The following XKR9 variants were observed in gnomAD, a reference collection of about 807,000 sequenced individuals.
The protein encoded by XKR9 is XK related 9, also known as XK-related protein 9.
In XKR9, 32 loss-of-function variants were observed where a neutral mutation model predicts 32.0. The observed-to-expected ratio is 1.00, with a 90% confidence interval of 0.76 to 1.34. XKR9 has a LOEUF of 1.34. Among genes scored for constraint, XKR9 ranks in the 40% most tolerant of loss-of-function variants. XKR9 has a pLI of 0.00. For synonymous variants in XKR9, 168 were observed against 143.4 expected, an observed-to-expected ratio of 1.17 and a Z score of -1.22; for missense variants, 546 against 429.7, an observed-to-expected ratio of 1.27 and a Z score of -2.39.
At chr8:70,744,019 A>T (rs1807023669) in intron 2 of XKR9, among the ~76,000 whole-genome samples, 1 of 151,938 alleles carries the variant, frequency 6.6e-6, no homozygotes, top group Admixed American at 6.6e-5. Flanking sequence ...AATCTATAAC[A>T]TTTTCAGTAA....
At chr8:70,814,905 A>G in the XKR9 span, among the ~76,000 whole-genome samples, 2 of 152,238 alleles carry the variant, frequency 1.3e-5, no homozygotes, top group South Asian at 2.1e-4. Context: ...GTTTCTGTAT[A>G]TAAAAGCAGT....
At chr8:70,812,279 A>G in the XKR9 span, among the ~76,000 whole-genome samples, 4 of 152,338 alleles carry the variant, frequency 2.6e-5, no homozygotes, top group South Asian at 2.1e-4. Flanking sequence ...TTAGGTATTG[A>G]TGGGACGTAT....
chr8:70,870,797 C>T, the XKR9 span, among the ~76,000 whole-genome samples: 1 of 152,152 alleles, frequency 6.6e-6, no homozygotes, highest in African/African-American at 2.4e-5. Flanking sequence ...AAATCTTTAG[C>T]TCATATTCAT....
intron 3 of XKR9, among the ~76,000 whole-genome samples, chr8:70,699,878 G>A (rs1034695051): frequency 1.8e-4 from 28 of 152,114 alleles, no homozygotes; most frequent in African/African-American, 2.9e-4. Flanking sequence ...GGCTTTGTTC[G>A]TTTCTTTTTA....
intron 2 of XKR9, among the ~76,000 whole-genome samples, chr8:70,777,884 G>A (rs1807554917): frequency 6.6e-6 from 1 of 151,916 alleles, no homozygotes; most frequent in Non-Finnish European, 1.5e-5. Flanking sequence ...TGGCAAACAT[G>A]GTCTTCCATT....
the XKR9 span, among the ~76,000 whole-genome samples, chr8:70,927,986 C>A: frequency 6.6e-6 from 1 of 152,224 alleles, no homozygotes; most frequent in East Asian, 1.9e-4. Context: ...TAGGTTTGAA[C>A]CTTTTATCTA....
chr8:70,896,566 GT>G, the XKR9 span, among the ~76,000 whole-genome samples: 3 of 150,698 alleles, frequency 2.0e-5, no homozygotes, highest in Non-Finnish European at 4.4e-5. Context: ...TTTTTTCTTG[GT>G]CAGTCTGTCT....
At chr8:70,951,865 A>G in the XKR9 span, among the ~76,000 whole-genome samples, 2 of 129,864 alleles carry the variant, frequency 1.5e-5, no homozygotes, top group Non-Finnish European at 3.2e-5. Context: ...CCATAGCATC[A>G]TTGGGGGGGG....
At chr8:71,010,511 C>T in the XKR9 span, among the ~76,000 whole-genome samples, 2 of 152,150 alleles carry the variant, frequency 1.3e-5, no homozygotes, top group African/African-American at 4.8e-5. Flanking sequence ...ATTACAGGGT[C>T]AGGGAAGCTC....
At chr8:70,684,177 T>C (rs1174054006) in intron 3 of XKR9, among the ~76,000 whole-genome samples, 4 of 152,188 alleles carry the variant, frequency 2.6e-5, no homozygotes, top group Non-Finnish European at 5.9e-5. Context: ...TCCTCTTGAT[T>C]CTGTGGATTA....
the XKR9 span, among the ~76,000 whole-genome samples, chr8:70,975,549 A>G: frequency 6.6e-6 from 1 of 152,026 alleles, no homozygotes; most frequent in Non-Finnish European, 1.5e-5. Context: ...ATCAGATGGT[A>G]GTAGATGTGT....
chr8:70,776,347 T>C (rs1200769581), intron 2 of XKR9, among the ~76,000 whole-genome samples: 1 of 152,166 alleles, frequency 6.6e-6, no homozygotes, highest in Non-Finnish European at 1.5e-5. Flanking sequence ...ATTTTTTCAC[T>C]TAAAAATTTA....
At chr8:70,714,717 G>A (rs28367135) in intron 4 of XKR9, among the ~76,000 whole-genome samples, 41 of 151,950 alleles carry the variant, frequency 2.7e-4, no homozygotes, top group African/African-American at 7.5e-4. Flanking sequence ...ATTTTAACTC[G>A]CGTTTGAATT....
chr8:70,698,441 T>A (rs905543212), intron 3 of XKR9, among the ~76,000 whole-genome samples: 2 of 152,216 alleles, frequency 1.3e-5, no homozygotes, highest in African/African-American at 4.8e-5. Flanking sequence ...TTTCATTATG[T>A]ACCCAGTAGT....
At chr8:70,846,333 A>G in the XKR9 span, among the ~76,000 whole-genome samples, 19 of 152,230 alleles carry the variant, frequency 1.2e-4, no homozygotes, top group South Asian at 3.7e-3. Context: ...TGAAAAGATG[A>G]TATATACCAT....
chr8:71,051,692 C>T, the XKR9 span, among the ~76,000 whole-genome samples: 1 of 152,162 alleles, frequency 6.6e-6, no homozygotes. Context: ...ACCAAGCTAT[C>T]AACTATGAAA....
chr8:70,800,959 T>C, the XKR9 span, among the ~76,000 whole-genome samples: 1 of 151,834 alleles, frequency 6.6e-6, no homozygotes, highest in Non-Finnish European at 1.5e-5. Context: ...GAGGTGTTCA[T>C]ACTAGACTCT....
intron 2 of XKR9, among the ~76,000 whole-genome samples, chr8:70,769,929 G>T (rs1220685468): frequency 6.6e-6 from 1 of 152,010 alleles, no homozygotes. Flanking sequence ...ACCTTCTGAA[G>T]CCTACTTCTG....
chr8:70,962,078 C>G, the XKR9 span, among the ~76,000 whole-genome samples: 1 of 152,026 alleles, frequency 6.6e-6, no homozygotes, highest in Non-Finnish European at 1.5e-5. Context: ...ACAATGGTAT[C>G]TAGAGTGAAT....
Sources: allele counts gnomAD v4.1 joint callset (sites outside exome capture counted in the v4.1 genomes callset), GRCh38; gene constraint gnomAD v4.1.1; transcripts MANE v1.5; gene names NCBI Gene and HGNC (gene_info 2026-07-23, HGNC 2026-07-21).